Variants in ZNF407 observed in about 807,000 individuals in gnomAD.
The protein encoded by ZNF407 is zinc finger protein 407.
A neutral mutation model predicts 131.2 loss-of-function variants in ZNF407; 17 were observed. The observed-to-expected ratio is 0.13, with a 90% CI of 0.09 to 0.19. The LOEUF (loss-of-function observed/expected upper bound fraction) is 0.19. Ranked by LOEUF, ZNF407 falls within the 10% of genes least tolerant of loss-of-function variation. The pLI is 1.00. For synonymous variants in ZNF407, 1,156 were observed against 1,062.0 expected (o/e 1.09, Z -1.72); for missense variants, 2,681 against 2,830.6 (o/e 0.95, Z 1.20).
At chr18:74,806,510 G>C (rs1171399170) in intron 4 of ZNF407, among the ~76,000 whole-genome samples, 2 of 152,172 alleles carry the variant, frequency 1.3e-5, no homozygotes, top group Non-Finnish European at 2.9e-5. Context: ...TTGACTCTCA[G>C]AGCCTTAGTT....
intron 3 of ZNF407, among the ~76,000 whole-genome samples, chr18:74,727,925 A>G (rs1968197966): frequency 6.6e-6 from 1 of 152,196 alleles, no homozygotes; most frequent in Non-Finnish European, 1.5e-5. Context: ...GGACAAGAAG[A>G]CAACAGGTGG....
Position 74,902,851 on chromosome 18 carries a change from T to C in ZNF407, c.5249+12813T>C, listed in dbSNP as rs149606248. Among the ~76,000 whole-genome samples, 1,126 of 152,310 alleles carry C rather than the reference T, an allele frequency of 7.4e-3. 5 individuals are homozygous for C. Among genetic ancestry groups the C allele is most frequent in the Non-Finnish European group, 0.013 (865 of 68,016 alleles). On this transcript the variant is annotated intron_variant, in intron 7 of 8. Transcript: ENST00000299687. ...CACTCTTGCCTATGGCAACGTAGTATAAATATTGGACTGACAAGAGCTCCC... is the reference window on the plus strand; with the variant it reads ...CACTCTTGCCTATGGCAACGTAGTACAAATATTGGACTGACAAGAGCTCCC...
chr18:74,866,659 C>T (rs1348769239), intron 4 of ZNF407, among the ~76,000 whole-genome samples: 2 of 151,258 alleles, frequency 1.3e-5, no homozygotes, highest in African/African-American at 4.9e-5. Context: ...TGGGTATTAC[C>T]AGAATCAATT....
chr18:74,813,438 C>T (rs886836187), intron 4 of ZNF407, among the ~76,000 whole-genome samples: 4 of 150,328 alleles, frequency 2.7e-5, no homozygotes, highest in Admixed American at 2.6e-4. Flanking sequence ...GCCGTGAGGC[C>T]ACAGAACACT....
At chr18:74,691,328 C>G (rs533589020) in intron 3 of ZNF407, among the ~76,000 whole-genome samples, 2 of 151,674 alleles carry the variant, frequency 1.3e-5, no homozygotes, top group South Asian at 2.1e-4. Context: ...TCTTTTATAT[C>G]TCCAACATTG....
intron 8 of ZNF407, among the ~76,000 whole-genome samples, chr18:74,995,940 A>T (rs1972775438): frequency 6.6e-6 from 1 of 152,266 alleles, no homozygotes; most frequent in Non-Finnish European, 1.5e-5. Flanking sequence ...TTAATATATT[A>T]AAATTCAGTT....
chr18:74,811,821 C>T (rs1242746174), intron 4 of ZNF407, among the ~76,000 whole-genome samples: 1 of 147,416 alleles, frequency 6.8e-6, no homozygotes, highest in Non-Finnish European at 1.5e-5. Flanking sequence ...GGTAACTGAA[C>T]AATGAGAACA....
At chr18:74,615,039 G>T (rs953716641) in intron 1 of ZNF407, among the ~76,000 whole-genome samples, 12 of 152,196 alleles carry the variant, frequency 7.9e-5, no homozygotes, top group Non-Finnish European at 1.3e-4. Context: ...GCTTTTAAGG[G>T]GCCATGAGCC....
intron 3 of ZNF407, among the ~76,000 whole-genome samples, chr18:74,686,316 A>G (rs1182970452): frequency 2.6e-5 from 4 of 152,192 alleles, no homozygotes; most frequent in Non-Finnish European, 5.9e-5. Flanking sequence ...AATCTTTTCC[A>G]TGTTTCCCAG....
intron 8 of ZNF407, among the ~76,000 whole-genome samples, chr18:74,927,094 A>C (rs983344312): frequency 6.6e-6 from 1 of 152,208 alleles, no homozygotes; most frequent in South Asian, 2.1e-4. Flanking sequence ...TTCAATTACA[A>C]AGAATCGTAA....
chr18:74,777,481 A>G (rs1178980741), intron 3 of ZNF407, among the ~76,000 whole-genome samples: 1 of 152,096 alleles, frequency 6.6e-6, no homozygotes, highest in African/African-American at 2.4e-5. Context: ...GGGCTCTTGG[A>G]TGTTCAGTAG....
chr18:74,889,434 C>G (rs1971355354), intron 6 of ZNF407, among the ~76,000 whole-genome samples: 1 of 152,002 alleles, frequency 6.6e-6, no homozygotes, highest in South Asian at 2.1e-4. Flanking sequence ...TTTTTTGTTG[C>G]TTCTGACACT....
At chr18:74,951,194 T>C (rs1315801666) in intron 8 of ZNF407, among the ~76,000 whole-genome samples, 1 of 152,196 alleles carries the variant, frequency 6.6e-6, no homozygotes, top group Non-Finnish European at 1.5e-5. Flanking sequence ...CTTTTTTCTC[T>C]ATGATACAGA....
chr18:74,833,293 T>G (rs1970510139), intron 4 of ZNF407, among the ~76,000 whole-genome samples: 1 of 152,224 alleles, frequency 6.6e-6, no homozygotes, highest in African/African-American at 2.4e-5. Flanking sequence ...AAAGACCAGA[T>G]TCCTGTTCTC....
chr18:74,998,783 A>G (rs1972807469), intron 8 of ZNF407, among the ~76,000 whole-genome samples: 1 of 94,534 alleles, frequency 1.1e-5, no homozygotes, highest in Non-Finnish European at 2.1e-5. Flanking sequence ...TGTGGAAGTC[A>G]GTGTGGCGAT....
intron 8 of ZNF407, among the ~76,000 whole-genome samples, chr18:74,965,156 T>C (rs1972395851): frequency 6.6e-6 from 1 of 152,182 alleles, no homozygotes; most frequent in South Asian, 2.1e-4. Context: ...TTTGTGTTAC[T>C]AACAATCCAA....
At chr18:74,766,031 GTGTGTGTGTGTGTGTGTGTGTGTGTC>G (rs996675317) in intron 3 of ZNF407, among the ~76,000 whole-genome samples, 2 of 144,048 alleles carry the variant, frequency 1.4e-5, no homozygotes, top group African/African-American at 2.5e-5. Flanking sequence ...GTGTGTGTGT[GTGTGTGTGTGTGTGTGTGTGTGTGTC>G]TGTGTCTGTG....
At chr18:74,982,006 A>T (rs1215386983) in intron 8 of ZNF407, among the ~76,000 whole-genome samples, 1 of 152,196 alleles carries the variant, frequency 6.6e-6, no homozygotes, top group Admixed American at 6.5e-5. Flanking sequence ...CAATAATTTG[A>T]GTGCTTATGA....
intron 3 of ZNF407, among the ~76,000 whole-genome samples, chr18:74,661,598 T>C (rs1225816458): frequency 1.3e-5 from 2 of 152,016 alleles, no homozygotes; most frequent in Non-Finnish European, 2.9e-5. Context: ...GCTGCATTTC[T>C]CAAAAGCACA....
Sources: gnomAD v4.1 joint callset for allele counts (sites outside exome capture counted in the v4.1 genomes callset) on GRCh38, gnomAD v4.1.1 for gene constraint, MANE v1.5 for transcripts, NCBI Gene and HGNC (gene_info 2026-07-23, HGNC 2026-07-21) for gene names.